BMP8A: variants seen among roughly 807,000 people sequenced by gnomAD.
The protein encoded by BMP8A is bone morphogenetic protein 8a.
Under a neutral mutation model 36.8 loss-of-function variants are expected in BMP8A, and 14 were observed. The ratio of observed to expected loss-of-function variants is 0.38; its 90% CI spans 0.25 to 0.60. The LOEUF is 0.60. Among genes scored for constraint, BMP8A ranks in the 20% least tolerant of loss-of-function variants. The pLI is 0.63. For missense variants in BMP8A, 267 were observed against 551.1 expected, an observed-to-expected ratio of 0.48 and a Z score of 5.16; for synonymous variants, 120 against 237.7, an observed-to-expected ratio of 0.50 and a Z score of 4.55.
rs577137851 is a variant in BMP8A at position 39,497,969 on chromosome 1, C to T, written c.334+5644C>T. ...AGGAAGGTGGCTTCACGGGCATTCTCGGGTGTCTGTTGATAGGAGGGCCTT... is the reference window on the plus strand; with the variant it reads ...AGGAAGGTGGCTTCACGGGCATTCTTGGGTGTCTGTTGATAGGAGGGCCTT... On this transcript the variant is annotated intron_variant, in intron 1 of 6. Transcript: ENST00000331593. 3.4e-3 allele frequency among the ~76,000 whole-genome samples: 516 copies of T among 152,332 alleles called. 6 individuals carry two copies. The Middle Eastern group carries it at 0.068, about 20-fold the overall frequency.
Position 39,523,010 on chromosome 1 carries a change from TG to T in BMP8A, c.955del (p.Val319SerfsTer24), listed in dbSNP as rs1298379293. ...CACCTTCTCCCTTGCCCCCCAGGAC[TG>T]GGTCATCGCCCCCCAAGGCTACTCA... ...VSFQDLGWLD[W>X]VIAPQGYSAY... On this transcript the variant is annotated frameshift_variant, in exon 6 of 7. Transcript: ENST00000331593. LOFTEE classifies it high-confidence loss of function. 6.2e-7 allele frequency: 1 copy of T among 1,608,394 alleles called. No individual in the cohort carries two copies. Among genetic ancestry groups the T allele is most frequent in the African/African-American group, 1.3e-5 (1 of 74,856 alleles).
intron 1 of BMP8A, among the ~76,000 whole-genome samples, chr1:39,497,019 C>T (rs2124312352): frequency 6.6e-6 from 1 of 152,350 alleles, no homozygotes; most frequent in Non-Finnish European, 1.5e-5. Flanking sequence ...TTGAACTTCA[C>T]ATAAATGGAA....
At chr1:39,515,809 C>G in intron 3 of BMP8A, 1 of 1,590,754 alleles carries the variant, frequency 6.3e-7, no homozygotes, top group South Asian at 1.1e-5. Context: ...AAGATGGAGA[C>G]GCTGGAAAGG....
At position 39,506,653 on chromosome 1, in the gene BMP8A, C is replaced by G. The variant is rs115181798; in HGVS notation, c.335-4521C>G. On this transcript the variant is annotated intron_variant, in intron 1 of 6. Transcript: ENST00000331593. ...AAATAATCCTAAAGTATTTCAAAAT[C>G]AAGTTAAAAACATAAATAAGGCAGC... is the stretch of plus-strand genomic sequence containing the variant. Among the ~76,000 whole-genome samples, 720 of 152,304 alleles carry G rather than the reference C, an allele frequency of 4.7e-3. 6 individuals carry two copies. Among genetic ancestry groups the G allele is most frequent in the African/African-American group, 0.017 (692 of 41,560 alleles).
intron 1 of BMP8A, among the ~76,000 whole-genome samples, chr1:39,504,525 C>T (rs1645282458): frequency 6.6e-6 from 1 of 152,138 alleles, no homozygotes; most frequent in Admixed American, 6.5e-5. Flanking sequence ...GTATTGCCAC[C>T]AGCATGTCTC....
intron 3 of BMP8A, chr1:39,515,640 A>C (rs2124368535): frequency 6.4e-7 from 1 of 1,570,842 alleles, no homozygotes; most frequent in East Asian, 2.2e-5. Context: ...AAGCGCCCGC[A>C]ATTTCAACGT....
intron 1 of BMP8A, among the ~76,000 whole-genome samples, chr1:39,509,129 A>C (rs1184838057): frequency 2.0e-5 from 3 of 152,214 alleles, no homozygotes; most frequent in Non-Finnish European, 2.9e-5. Context: ...ACTGAGCCCC[A>C]GGACCCACCC....
At chr1:39,504,949 G>A (rs59671711) in intron 1 of BMP8A, among the ~76,000 whole-genome samples, 11 of 151,486 alleles carry the variant, frequency 7.3e-5, no homozygotes, top group Non-Finnish European at 1.2e-4. Context: ...GACTTTACAC[G>A]AACATCTCAA....
rs1357169277 is a variant in BMP8A at position 39,525,769 on chromosome 1, A to G, written c.1180A>G (p.Met394Val). ...NNVILRKHRN[M>V]VVKACGCH ...CGTCATCCTGCGCAAGCACCGCAAC[A>G]TGGTGGTCAAGGCCTGCGGCTGCCA... Residue 394 changes from methionine to valine, a missense_variant, in exon 7 of 7, where the codon ATG (methionine) becomes GTG (valine). By Grantham distance (21) the Met-to-Val change is conservative (BLOSUM62 1). Around this residue, in one of 7 missense-constraint regions of BMP8A, gnomAD observed 132 missense variants for 151.3 expected, o/e 0.87. Transcript: ENST00000331593. 2.5e-6 allele frequency: 4 copies of G among 1,614,180 alleles called. No homozygotes were observed. The highest frequency in any genetic ancestry group is 3.4e-6 in the Non-Finnish European group (4 of 1,180,024).
rs1405522518 is a variant in BMP8A, at chr1:39,527,407, A to G, written c.*1609A>G. Among the ~76,000 whole-genome samples the G allele has an allele frequency of 6.6e-6, 1 of 152,112 alleles. No homozygotes were observed. The highest frequency in any genetic ancestry group is 1.5e-5 in the Non-Finnish European group (1 of 68,010). On this transcript the variant is annotated 3_prime_UTR_variant, in exon 7 of 7. Coordinates refer to ENST00000331593, the MANE Select transcript of BMP8A (RefSeq NM_181809.4). ...GCCCAAACCGTGTCATTAAAAGCAG[A>G]TCCTGGGCCCGCCCCATCCACAGGC... is the stretch of plus-strand genomic sequence containing the variant.
At chr1:39,496,197 T>C (rs1379282899) in intron 1 of BMP8A, among the ~76,000 whole-genome samples, 1 of 138,858 alleles carries the variant, frequency 7.2e-6, no homozygotes, top group Non-Finnish European at 1.6e-5. Context: ...CTGTAGCACC[T>C]ACCACGGACC....
intron 1 of BMP8A, among the ~76,000 whole-genome samples, chr1:39,499,265 T>G (rs1645232822): frequency 6.6e-6 from 1 of 152,102 alleles, no homozygotes; most frequent in Admixed American, 6.5e-5. Context: ...GGAGGGACTC[T>G]GCGGGAGGCG....
At chr1:39,519,503 CCT>C (rs1340764337) in intron 3 of BMP8A, among the ~76,000 whole-genome samples, 7 of 144,968 alleles carry the variant, frequency 4.8e-5, no homozygotes, top group Non-Finnish European at 1.1e-4. Context: ...TCACAGCCTC[CCT>C]GTCTCAGCAG....
intron 6 of BMP8A, chr1:39,525,072 A>T (rs1462266415): frequency 6.5e-6 from 1 of 154,448 alleles, no homozygotes; most frequent in Non-Finnish European, 1.4e-5. Flanking sequence ...AGTTCAGAAG[A>T]GAGGTCCAAG....
rs564428501 is a variant in BMP8A at position 39,501,580 on chromosome 1, A to G, written c.334+9255A>G. On this transcript the variant is annotated intron_variant, in intron 1 of 6. Transcript: ENST00000331593. Reference sequence around the variant, plus strand: ...TCACTCTACCTCAAAACAAAGAGCTAAAGTGCAGTGATGTGATCTCAGCTC... The same window carrying G: ...TCACTCTACCTCAAAACAAAGAGCTGAAGTGCAGTGATGTGATCTCAGCTC... 1.6e-4 allele frequency among the ~76,000 whole-genome samples: 24 copies of G among 152,264 alleles called. No homozygotes were observed. In the South Asian group the frequency reaches 4.8e-3, roughly 30 times the overall value.
rs566034321 is a variant in BMP8A, at chr1:39,528,943, G to A, written c.*3145G>A. On this transcript the variant is annotated 3_prime_UTR_variant, in exon 7 of 7. Transcript: ENST00000331593. ...CTTAAACTTTGCCCAGGCCAGTCTT[G>A]AACTCCTGAGCTCAAGCAATCCTCC... The A allele has an allele frequency of 6.6e-6, 1 of 152,262 alleles. No homozygotes were observed. Among genetic ancestry groups the A allele is most frequent in the South Asian group, 2.1e-4 (1 of 4,812 alleles). 9.4% of individuals were successfully genotyped at this position (152,262 alleles called of 1,614,324 possible).
Position 39,523,060 on chromosome 1 carries a change from C to T in BMP8A, c.1002C>T (p.Cys334=). 6.2e-7 allele frequency: 1 copy of T among 1,613,944 alleles called. No individual in the cohort carries two copies. Among genetic ancestry groups the T allele is most frequent in the South Asian group, 1.1e-5 (1 of 91,056 alleles). ...CAGCCTATTACTGTGAGGGGGAGTG[C>T]TCCTTCCCGCTGGACTCCTGCATGA... The part of the protein sequence containing the change: ...GYSAYYCEGE[C]SFPLDSCMNA... Residue 334 remains cysteine, a synonymous_variant, in exon 6 of 7, where the codon TGC becomes TGT. Transcript: ENST00000331593.
Position 39,510,726 on chromosome 1 carries a change from G to A in BMP8A, c.335-448G>A, listed in dbSNP as rs149793415. Among the ~76,000 whole-genome samples, 732 of 152,352 alleles carry A rather than the reference G, an allele frequency of 4.8e-3. 6 individuals are homozygous for A. Among genetic ancestry groups the A allele is most frequent in the African/African-American group, 0.017 (707 of 41,580 alleles). On this transcript the variant is annotated intron_variant, in intron 1 of 6. Coordinates refer to ENST00000331593, the MANE Select transcript of BMP8A (RefSeq NM_181809.4). Reference sequence around the variant, plus strand: ...CTGGATGGCTTATGTCCCCTGAGATGCCGTCGGTTATGTCGGTTATGTCCC... The same window carrying A: ...CTGGATGGCTTATGTCCCCTGAGATACCGTCGGTTATGTCGGTTATGTCCC...
intron 1 of BMP8A, among the ~76,000 whole-genome samples, chr1:39,508,250 CAAAA>C (rs59060705): frequency 1.5e-5 from 2 of 136,772 alleles, no homozygotes; most frequent in Non-Finnish European, 1.6e-5. Context: ...GACTCCGTCT[CAAAA>C]AAAAAAAAAA....
Sources: allele counts gnomAD v4.1 joint callset (sites outside exome capture counted in the v4.1 genomes callset), GRCh38; gene constraint gnomAD v4.1.1; regional missense constraint gnomAD v4.1.1; transcripts MANE v1.5; gene names NCBI Gene and HGNC (gene_info 2026-07-23, HGNC 2026-07-21).